Variants in CPLANE1 observed in about 807,000 individuals in gnomAD.
CPLANE1 encodes the protein ciliogenesis and planar polarity effector 1.
In CPLANE1, 263 loss-of-function variants were observed where a neutral mutation model predicts 362.5. That is an observed-to-expected ratio of 0.73 (90% CI 0.66 to 0.80). The LOEUF (loss-of-function observed/expected upper bound fraction) is 0.80, where lower values mean the gene tolerates loss of function less well. Ranked by LOEUF, CPLANE1 falls within the 30% of genes least tolerant of loss-of-function variation. The pLI, the probability that CPLANE1 is intolerant of heterozygous loss-of-function variation, is 0.00. For missense variants in CPLANE1, 3,461 were observed against 3,793.4 expected (o/e 0.91, Z 2.30); for synonymous variants, 1,212 against 1,302.6 (o/e 0.93, Z 1.50).
chr5:37,162,646 C>G, intron 37 of CPLANE1, 80 bp from the exon 38 acceptor site: 1 of 921,690 alleles, frequency 1.1e-6, no homozygotes, highest in Non-Finnish European at 1.7e-6. Flanking sequence ...GTACCTAACT[C>G]AATGGAAGTA....
At position 37,118,718 on chromosome 5, in the gene CPLANE1, C is replaced by CTT. The variant is rs34865341; in HGVS notation, c.9310+1496_9310+1497dup. The stretch of plus-strand genomic sequence containing the variant: ...TGCCACATAATTAGTTGTTATTTTA[C>CTT]TTTTTTTTTTTTTTCAGACAGAGTC... On this transcript the variant is annotated intron_variant, in intron 50 of 52. Transcript: ENST00000651892. Among the ~76,000 whole-genome samples, 163 of 142,522 alleles carry CTT rather than the reference C, an allele frequency of 1.1e-3. 3 individuals are homozygous for CTT. The highest frequency in any genetic ancestry group is 3.5e-3 in the African/African-American group (134 of 38,572). 93.5% of individuals were successfully genotyped at this position (142,522 alleles called of 152,430 possible). A position where few individuals can be genotyped will look rare whatever the true frequency, so the allele number is the denominator to read the frequency against.
chr5:37,205,002 C>T (rs144371122), intron 18 of CPLANE1, among the ~76,000 whole-genome samples: 1 of 152,202 alleles, frequency 6.6e-6, no homozygotes, highest in African/African-American at 2.4e-5. Flanking sequence ...ACAAACACTA[C>T]AAAAATTAGC....
chr5:37,206,494 A>T, intron 16 of CPLANE1, 69 bp from the exon 17 acceptor site: 1 of 988,526 alleles, frequency 1.0e-6, no homozygotes, highest in Non-Finnish European at 1.5e-6. Flanking sequence ...ACATGGGCAT[A>T]TTTATCTCTT....
Position 37,209,636 on chromosome 5 carries a change from TTC to T in CPLANE1, c.2921-3213_2921-3212del. The T allele has an allele frequency of 7.0e-7, 1 of 1,425,318 alleles. No individual in the cohort carries two copies. Among genetic ancestry groups the T allele is most frequent in the Non-Finnish European group, 9.9e-7 (1 of 1,009,794 alleles). 88.3% of individuals were successfully genotyped at this position (1,425,318 alleles called of 1,614,324 possible). Reference sequence around the variant, plus strand: ...AAAGATGTGGCTGTGAATATTCACTTTCTGTTTTCTTTCTAGAAAGTGGTTTG... The same window carrying T: ...AAAGATGTGGCTGTGAATATTCACTTTGTTTTCTTTCTAGAAAGTGGTTTG... On this transcript the variant is annotated intron_variant, in intron 16 of 52. Coordinates refer to ENST00000651892, the MANE Select transcript of CPLANE1 (RefSeq NM_001384732.1). This position sits in a 1 kb window ranked among gnomAD's most constrained non-coding sequence, Gnocchi z 4.6.
rs1262483323 is a variant in CPLANE1 at position 37,224,349 on chromosome 5, CCAA to C, written c.2501-19_2501-17del. The C allele has an allele frequency of 6.6e-7, 1 of 1,509,932 alleles. No individual in the cohort carries two copies. Among genetic ancestry groups the C allele is most frequent in the East Asian group, 2.5e-5 (1 of 40,624 alleles). The allele number at this position is 1,509,932 out of a possible 1,614,324, so 93.5% of individuals were successfully genotyped here. On this transcript the variant is annotated splice_polypyrimidine_tract_variant and intron_variant, in intron 13 of 52. Transcript: ENST00000651892. Reference sequence around the variant, plus strand: ...CATTCTTCCCCTAGAAAGTTTTTAACCAACAATTAGTCATAGTTAATTATATTA... The same window carrying C: ...CATTCTTCCCCTAGAAAGTTTTTAACCAATTAGTCATAGTTAATTATATTA...
At chr5:37,157,932 C>CAAAAA (rs1157107088) in intron 39 of CPLANE1, 64 bp from the exon 40 acceptor site, 26 of 67,840 alleles carry the variant, frequency 3.8e-4, no homozygotes, top group Admixed American at 9.3e-4. Context: ...GTCACTCCGC[C>CAAAAA]AAAAAAAAAA....
At chr5:37,085,590 C>T in the CPLANE1 span, 1 of 879,956 alleles carries the variant, frequency 1.1e-6, no homozygotes. Context: ...CACTGGTACA[C>T]TGGTAACCTG....
At position 37,220,706 on chromosome 5, in the gene CPLANE1, GA is replaced by G. The variant is rs1561646384; in HGVS notation, c.2746+617del. On this transcript the variant is annotated intron_variant, in intron 15 of 52. Transcript: ENST00000651892. The stretch of plus-strand genomic sequence containing the variant: ...GGCTGATTTTTTTGTATTTTTAGTA[GA>G]GAAGGGGTTTCACCATGTTAGCCAG... Among the ~76,000 whole-genome samples, 4 of 152,222 alleles carry G rather than the reference GA, an allele frequency of 2.6e-5. No individual in the cohort carries two copies. In the South Asian group the frequency reaches 6.2e-4, roughly 24 times the overall value.
chr5:37,132,539 G>T (rs1358442463), intron 46 of CPLANE1, among the ~76,000 whole-genome samples: 1 of 151,904 alleles, frequency 6.6e-6, no homozygotes, highest in African/African-American at 2.4e-5. Context: ...GTAGTGACGG[G>T]GTTTCACCAT....
chr5:37,177,663 G>A lies in CPLANE1; in HGVS notation c.5858C>T (p.Pro1953Leu). The A allele has an allele frequency of 2.5e-6, 4 of 1,613,732 alleles. No individual in the cohort carries two copies. Among genetic ancestry groups the A allele is most frequent in the Non-Finnish European group, 3.4e-6 (4 of 1,179,832 alleles). ...TTTTTCCTCCATAATTGTCTCCAGT[G>A]GTTCTTCCCTTTGACACTGAACCTC... Reference protein sequence around the residue: ...TEEVQCQREEPLETIMEEKST... With the variant: ...TEEVQCQREELLETIMEEKST... Residue 1953 changes from proline (P) to leucine (L), a missense_variant, in exon 30 of 53, where the codon CCA (proline) becomes CTA (leucine). By Grantham distance (98) the Pro-to-Leu change is moderately conservative. Around this residue, in one of 2 missense-constraint regions of CPLANE1, gnomAD observed 3,380 missense variants for 3,666.1 expected, o/e 0.92. Coordinates refer to ENST00000651892, the MANE Select transcript of CPLANE1 (RefSeq NM_001384732.1).
chr5:37,142,600 A>G (rs949419787), intron 43 of CPLANE1, 120 bp from the exon 44 acceptor site: 4 of 596,170 alleles, frequency 6.7e-6, no homozygotes, highest in Admixed American at 3.5e-5. Context: ...GTCACATATT[A>G]TGCTAATAGC....
chr5:37,176,007 G>A (rs1316090888), intron 30 of CPLANE1, 21 bp from the exon 31 acceptor site: 11 of 1,524,542 alleles, frequency 7.2e-6, no homozygotes, highest in East Asian at 2.3e-5. Flanking sequence ...AAATTAACAG[G>A]TGATTAGTAA....
intron 41 of CPLANE1, among the ~76,000 whole-genome samples, chr5:37,154,544 T>C (rs1774515577): frequency 7.1e-6 from 1 of 140,294 alleles, no homozygotes; most frequent in African/African-American, 2.6e-5. Flanking sequence ...CAAGCAATCC[T>C]CCCACCTCAG....
chr5:37,142,927 C>G (rs1269716430), intron 43 of CPLANE1, among the ~76,000 whole-genome samples: 1 of 152,140 alleles, frequency 6.6e-6, no homozygotes, highest in East Asian at 1.9e-4. Context: ...CTTCATGTAT[C>G]TTAGAGCACT....
Position 37,173,797 on chromosome 5 carries a change from G to A in CPLANE1, c.6129C>T (p.Ser2043=), listed in dbSNP as rs1445537423. ...FTAQLPDCSE[S]VRQMLQDEMF... ...TTTCATCTTGCAGCATCTGCCTAACGGACTCCGAACAATCTGGTAACTGAG... is the reference window on the plus strand; with the variant it reads ...TTTCATCTTGCAGCATCTGCCTAACAGACTCCGAACAATCTGGTAACTGAG... Residue 2043 remains serine, a synonymous_variant, in exon 32 of 53, where the codon TCC becomes TCT. Transcript: ENST00000651892. 9 of 1,614,040 alleles carry A rather than the reference G, an allele frequency of 5.6e-6. No individual in the cohort carries two copies. Among genetic ancestry groups the A allele is most frequent in the African/African-American group, 2.7e-5 (2 of 74,984 alleles).
At chr5:37,168,340 C>T (rs576982145) in intron 34 of CPLANE1, among the ~76,000 whole-genome samples, 12 of 152,292 alleles carry the variant, frequency 7.9e-5, no homozygotes, top group African/African-American at 2.9e-4. Context: ...CACACATAAA[C>T]AAGAGCATCT....
At chr5:37,210,387 T>C in intron 16 of CPLANE1, 2 of 1,035,756 alleles carry the variant, frequency 1.9e-6, no homozygotes, top group Non-Finnish European at 3.0e-6. Flanking sequence ...TGAGAAGACC[T>C]ATGACCAAAA....
At chr5:37,127,757 C>G (rs545171859) in intron 46 of CPLANE1, among the ~76,000 whole-genome samples, 2 of 152,100 alleles carry the variant, frequency 1.3e-5, no homozygotes, top group African/African-American at 4.8e-5. Context: ...CTCAGGTGAT[C>G]CGCCCACCTT....
At chr5:37,244,669 C>T (rs1738898835) in intron 4 of CPLANE1, 62 bp from the exon 5 acceptor site, 4 of 893,160 alleles carry the variant, frequency 4.5e-6, no homozygotes, top group Middle Eastern at 5.0e-4. Context: ...CAATAAAGTA[C>T]ATAATTTATG....
Sources: gnomAD v4.1 joint callset for allele counts (sites outside exome capture counted in the v4.1 genomes callset) on GRCh38, gnomAD v4.1.1 for gene constraint, gnomAD v4.1.1 regional missense constraint, Gnocchi (gnomAD v3.1) non-coding constraint, MANE v1.5 for transcripts, NCBI Gene and HGNC (gene_info 2026-07-23, HGNC 2026-07-21) for gene names.